Variants in NCOA7 observed in about 807,000 individuals in gnomAD.
NCOA7 encodes the protein 140 kDa estrogen receptor-associated protein.
NCOA7 carries 45 observed loss-of-function variants against 104.3 expected under a neutral mutation model. That is an observed-to-expected ratio of 0.43 (90% CI 0.34 to 0.55). The LOEUF is 0.55. Ranked by LOEUF, NCOA7 falls within the 20% of genes least tolerant of loss-of-function variation. NCOA7 has a pLI of 0.02. For missense variants in NCOA7, 1,041 were observed against 1,119.7 expected (o/e 0.93, Z 1.00); for synonymous variants, 398 against 402.3 (o/e 0.99, Z 0.13).
At chr6:125,913,760 A>G (rs1488786262) in intron 10 of NCOA7, 1 of 644,484 alleles carries the variant, frequency 1.6e-6, no homozygotes, top group Admixed American at 6.3e-5. Context: ...TCGGAAACAC[A>G]TTTGATAGTT....
At chr6:125,882,588 T>G (rs1783933295) in intron 7 of NCOA7, 37 bp downstream of exon 7, 1 of 1,598,840 alleles carries the variant, frequency 6.3e-7, no homozygotes, top group Admixed American at 1.7e-5. Flanking sequence ...TTCCTTGAAA[T>G]CTATGAAAAA....
chr6:125,803,167 A>G (rs1384778623), intron 1 of NCOA7, among the ~76,000 whole-genome samples: 1 of 152,102 alleles, frequency 6.6e-6, no homozygotes, highest in Non-Finnish European at 1.5e-5. Flanking sequence ...TTGAAATATA[A>G]CCCTGAATTG....
chr6:125,861,944 G>A lies in NCOA7; in HGVS notation c.271+6704G>A, dbSNP rs1187667356. ...TCCAGCTACTCAGGAGGCTGAGGCAGGAGAATCACTTGAACCCAGGAGGTG... is the reference window on the plus strand; with the variant it reads ...TCCAGCTACTCAGGAGGCTGAGGCAAGAGAATCACTTGAACCCAGGAGGTG... On this transcript the variant is annotated intron_variant, in intron 3 of 15. Transcript: ENST00000392477. Among the ~76,000 whole-genome samples, 4 of 137,272 alleles carry A rather than the reference G, an allele frequency of 2.9e-5. 1 individual carries two copies. The East Asian group carries it at 8.5e-4, about 29-fold the overall frequency. The allele number at this position is 137,272 out of a possible 152,430, so 90.1% of individuals were successfully genotyped here.
chr6:125,882,174 G>A (rs1156317892), intron 6 of NCOA7, among the ~76,000 whole-genome samples: 1 of 151,994 alleles, frequency 6.6e-6, no homozygotes, highest in East Asian at 1.9e-4. Flanking sequence ...AGTTTCTAAA[G>A]ACATTTCATG....
intron 11 of NCOA7, among the ~76,000 whole-genome samples, chr6:125,916,130 G>C (rs942567444): frequency 1.3e-5 from 2 of 152,106 alleles, no homozygotes; most frequent in Admixed American, 1.3e-4. Context: ...CAGTTTCCCC[G>C]TGCTGTTCTC....
At chr6:125,906,324 A>G (rs1204789284) in intron 10 of NCOA7, among the ~76,000 whole-genome samples, 1 of 152,140 alleles carries the variant, frequency 6.6e-6, no homozygotes, top group Non-Finnish European at 1.5e-5. Flanking sequence ...GGAGGCAGGT[A>G]GGAGAGTGGG....
chr6:125,866,998 A>G (rs982947804), intron 3 of NCOA7, among the ~76,000 whole-genome samples: 5 of 152,238 alleles, frequency 3.3e-5, no homozygotes, highest in Non-Finnish European at 5.9e-5. Context: ...TGAAATATTT[A>G]TTTAAAGATG....
Position 125,889,146 on chromosome 6 carries a change from C to A in NCOA7, c.1092C>A (p.Gly364=). Residue 364 remains glycine, a synonymous_variant, in exon 9 of 16, where the codon GGC becomes GGA. Coordinates refer to ENST00000392477, the MANE Select transcript of NCOA7 (RefSeq NM_181782.5). The part of the protein sequence containing the change: ...STGHTPTKPS[G]SSVSEKLKKL... ...GACATACACCTACAAAGCCCTCAGGCAGCTCTGTGTCAGAGAAATTAAAGA... is the reference window on the plus strand; with the variant it reads ...GACATACACCTACAAAGCCCTCAGGAAGCTCTGTGTCAGAGAAATTAAAGA... 6.2e-7 allele frequency: 1 copy of A among 1,614,128 alleles called. No individual in the cohort carries two copies. The highest frequency in any genetic ancestry group is 1.1e-5 in the South Asian group (1 of 91,088).
intron 2 of NCOA7, among the ~76,000 whole-genome samples, chr6:125,850,435 A>G (rs906949089): frequency 1.3e-5 from 2 of 152,182 alleles, no homozygotes; most frequent in Non-Finnish European, 2.9e-5. Context: ...GTGTTTGGCT[A>G]TATGTGTTGA....
In NCOA7 at chr6:125,874,083, A is replaced by C. The variant is rs187705343; in HGVS notation, c.272-806A>C. Among the ~76,000 whole-genome samples, 675 of 152,310 alleles carry C rather than the reference A, an allele frequency of 4.4e-3. 4 individuals are homozygous for C. Among genetic ancestry groups the C allele is most frequent in the Non-Finnish European group, 6.0e-3 (411 of 68,020 alleles). ...CTGACACCTGTAATCCCAACACTTC[A>C]GGAGGCTGAGGCGGGCGGATCACCT... On this transcript the variant is annotated intron_variant, in intron 3 of 15. Transcript: ENST00000392477.
At chr6:125,923,357 G>A (rs1787753487) in intron 13 of NCOA7, among the ~76,000 whole-genome samples, 1 of 152,168 alleles carries the variant, frequency 6.6e-6, no homozygotes, top group Non-Finnish European at 1.5e-5. Flanking sequence ...AGAATACACT[G>A]TACCGTTCTT....
chr6:125,919,515 C>T, intron 11 of NCOA7: 1 of 1,346,760 alleles, frequency 7.4e-7, no homozygotes, highest in Non-Finnish European at 1.1e-6. Context: ...GAAAGTCGTT[C>T]TAATTAGAAA....
chr6:125,787,161 A>C (rs913459899), upstream of NCOA7, among the ~76,000 whole-genome samples: 2 of 151,642 alleles, frequency 1.3e-5, no homozygotes, highest in African/African-American at 4.8e-5. Flanking sequence ...AATACAGTAG[A>C]GCTCTAGATC....
intron 10 of NCOA7, among the ~76,000 whole-genome samples, chr6:125,900,387 G>A (rs186898209): frequency 5.3e-4 from 81 of 152,248 alleles, no homozygotes; most frequent in Non-Finnish European, 8.5e-4. Context: ...AAACTTTTAC[G>A]TTTTTATTCA....
At chr6:125,885,982 A>G (rs1324821590) in intron 8 of NCOA7, among the ~76,000 whole-genome samples, 1 of 152,210 alleles carries the variant, frequency 6.6e-6, no homozygotes, top group Admixed American at 6.5e-5. Context: ...GAAAGCATTA[A>G]GAAAGCTCAG....
chr6:125,891,307 A>G (rs1270962665), intron 10 of NCOA7, among the ~76,000 whole-genome samples: 2 of 152,220 alleles, frequency 1.3e-5, no homozygotes, highest in Middle Eastern at 3.2e-3. Context: ...GTATACTCCT[A>G]TAAAAAATTA....
chr6:125,876,872 A>T (rs879340916), intron 4 of NCOA7, among the ~76,000 whole-genome samples: 5 of 150,842 alleles, frequency 3.3e-5, no homozygotes, highest in African/African-American at 7.3e-5. Context: ...TGATACCAAC[A>T]TCCCTCTCGG....
At chr6:125,822,232 GT>G (rs1778257968) in intron 2 of NCOA7, among the ~76,000 whole-genome samples, 1 of 152,212 alleles carries the variant, frequency 6.6e-6, no homozygotes, top group Non-Finnish European at 1.5e-5. Context: ...TCATAGCACA[GT>G]TTTAATTGTG....
intron 10 of NCOA7, among the ~76,000 whole-genome samples, chr6:125,912,059 C>A (rs996149044): frequency 1.3e-5 from 2 of 152,182 alleles, no homozygotes; most frequent in Admixed American, 6.5e-5. Flanking sequence ...GAGAAACAGG[C>A]CTTCTCTGAT....
Sources: gnomAD v4.1 joint callset for allele counts (sites outside exome capture counted in the v4.1 genomes callset) on GRCh38, gnomAD v4.1.1 for gene constraint, MANE v1.5 for transcripts, NCBI Gene and HGNC (gene_info 2026-07-23, HGNC 2026-07-21) for gene names.